Variants in DNAAF10 observed in about 807,000 individuals in gnomAD.
The protein encoded by DNAAF10 is dynein axonemal assembly factor 10.
Under a neutral mutation model 43.7 loss-of-function variants are expected in DNAAF10, and 28 were observed. The ratio of observed to expected loss-of-function variants is 0.64; its 90% CI spans 0.48 to 0.88. DNAAF10 has a LOEUF of 0.88. DNAAF10 is among the 40% of genes least tolerant of loss of function. The pLI, the probability that DNAAF10 is intolerant of heterozygous loss-of-function variation, is 0.00. For missense variants in DNAAF10, 403 were observed against 439.1 expected, an observed-to-expected ratio of 0.92 and a Z score of 0.73; for synonymous variants, 156 against 157.3, an observed-to-expected ratio of 0.99 and a Z score of 0.06.
intron 2 of DNAAF10, among the ~76,000 whole-genome samples, chr2:68,145,125 A>G (rs1320520819): frequency 6.6e-6 from 1 of 152,032 alleles, no homozygotes. Flanking sequence ...TACTGCTTCA[A>G]ATATAGAGTA....
chr2:68,150,061 T>C (rs890870765), intron 1 of DNAAF10, among the ~76,000 whole-genome samples: 9 of 152,320 alleles, frequency 5.9e-5, no homozygotes, highest in Admixed American at 4.6e-4. Flanking sequence ...CTTCCCAGAA[T>C]TCCACCGCTG....
In DNAAF10 at chr2:68,131,179, A is replaced by C; in HGVS notation, c.*59T>G. 6.4e-7 allele frequency: 1 copy of C among 1,572,790 alleles called. No individual in the cohort carries two copies. The highest frequency in any genetic ancestry group is 8.7e-7 in the Non-Finnish European group (1 of 1,143,824). Reference sequence around the variant, plus strand: ...CTGATCCACCCGCCTCGGCCTCCCAAAGTGCTGGGATTACAGGAGTGAGCC... The same window carrying C: ...CTGATCCACCCGCCTCGGCCTCCCACAGTGCTGGGATTACAGGAGTGAGCC... On this transcript the variant is annotated 3_prime_UTR_variant, in exon 8 of 8. Transcript: ENST00000295121.
In DNAAF10 at chr2:68,130,100, G is replaced by A. The variant is rs997955961; in HGVS notation, c.*1138C>T. 2.8e-5 allele frequency: 2 copies of A among 71,300 alleles called. No homozygotes were observed. The highest frequency in any genetic ancestry group is 1.1e-4 in the African/African-American group (2 of 18,294). The allele number at this position is 71,300 out of a possible 1,614,324, so 4.4% of individuals were successfully genotyped here. A position where few individuals can be genotyped will look rare whatever the true frequency, so the allele number is the denominator to read the frequency against. ...TACCCAAATCTAGACCAACCGTGCC[G>A]TTTTGAGAGAGAGAGATATATATAT... On this transcript the variant is annotated 3_prime_UTR_variant, in exon 8 of 8. Transcript: ENST00000295121.
rs1673643436 is a variant in DNAAF10, at chr2:68,157,130, C to T, written c.183+131G>A. The T allele has an allele frequency of 6.3e-6, 8 of 1,271,480 alleles. 1 individual carries two copies. The allele number at this position is 1,271,480 out of a possible 1,614,324, so 78.8% of individuals were successfully genotyped here. A position where few individuals can be genotyped will look rare whatever the true frequency, so the allele number is the denominator to read the frequency against. ...GAAACATTCCTCAGTCGGCGGTCAG[C>T]TTCTCTGGTCTCGCGCGGCTCAAGC... On this transcript the variant is annotated intron_variant, in intron 1 of 7. Transcript: ENST00000295121.
At chr2:68,147,714 C>G in intron 1 of DNAAF10, 147 bp from the exon 2 acceptor site, 1 of 564,138 alleles carries the variant, frequency 1.8e-6, no homozygotes, top group Non-Finnish European at 2.8e-6. Context: ...AATAATCTTG[C>G]TTTTTCCTTT....
intron 7 of DNAAF10, among the ~76,000 whole-genome samples, chr2:68,133,264 G>C (rs570248996): frequency 6.6e-6 from 1 of 152,106 alleles, no homozygotes; most frequent in South Asian, 2.1e-4. Flanking sequence ...AGTCTCTGTC[G>C]CTCTGTCTCA....
intron 1 of DNAAF10, among the ~76,000 whole-genome samples, chr2:68,151,215 C>T (rs1183861795): frequency 6.6e-6 from 1 of 152,160 alleles, no homozygotes; most frequent in Non-Finnish European, 1.5e-5. Flanking sequence ...GTGTGTGTGA[C>T]TTCATTTCCT....
rs1001436664 is a variant in DNAAF10, at chr2:68,150,477, A to C, written c.184-2910T>G. ...ACTGTGTGCAGTGGCTCACGCCTATAATATCAGCACTTTGGGAGGCTGAGG... is the reference window on the plus strand; with the variant it reads ...ACTGTGTGCAGTGGCTCACGCCTATCATATCAGCACTTTGGGAGGCTGAGG... On this transcript the variant is annotated intron_variant, in intron 1 of 7. Transcript: ENST00000295121. Among the ~76,000 whole-genome samples the C allele has an allele frequency of 1.4e-4, 21 of 152,368 alleles. 2 individuals are homozygous for C. The South Asian group carries it at 4.1e-3, about 30-fold the overall frequency.
At chr2:68,144,520 T>C in intron 3 of DNAAF10, 65 bp downstream of exon 3, 2 of 1,581,380 alleles carry the variant, frequency 1.3e-6, no homozygotes, top group Non-Finnish European at 1.7e-6. Flanking sequence ...TCAGAGAGGA[T>C]GTACTGCTGC....
At chr2:68,134,829 T>A in intron 6 of DNAAF10, 30 bp from the exon 7 acceptor site, 1 of 1,612,398 alleles carries the variant, frequency 6.2e-7, no homozygotes, top group Middle Eastern at 1.7e-4. Flanking sequence ...TACAACTGGT[T>A]TATATGCTAA....
At position 68,135,176 on chromosome 2, in the gene DNAAF10, C is replaced by A. The variant is rs531783741; in HGVS notation, c.769-377G>T. ...AAACATATACTTTTGTTTATATATA[C>A]GAAAAATGTGGACTGAATTAAAAAA... On this transcript the variant is annotated intron_variant, in intron 6 of 7. Transcript: ENST00000295121. Among the ~76,000 whole-genome samples, 10 of 152,024 alleles carry A rather than the reference C, an allele frequency of 6.6e-5. No homozygotes were observed. In the South Asian group the frequency reaches 2.1e-3, roughly 32 times the overall value.
intron 1 of DNAAF10, among the ~76,000 whole-genome samples, chr2:68,154,053 A>C (rs2103641281): frequency 6.6e-6 from 1 of 151,596 alleles, no homozygotes; most frequent in Middle Eastern, 3.4e-3. Context: ...CGCCCAGCCC[A>C]GTGTAAGTTC....
At chr2:68,133,567 A>G (rs541830783) in intron 7 of DNAAF10, among the ~76,000 whole-genome samples, 1 of 152,246 alleles carries the variant, frequency 6.6e-6, no homozygotes, top group Non-Finnish European at 1.5e-5. Context: ...AGCCTGGCCA[A>G]CATGGTGAAA....
chr2:68,149,391 CAT>C (rs1295130853), intron 1 of DNAAF10, among the ~76,000 whole-genome samples: 1 of 152,176 alleles, frequency 6.6e-6, no homozygotes, highest in Non-Finnish European at 1.5e-5. Flanking sequence ...CGTACAGTAA[CAT>C]GTTTGTAAAA....
intron 5 of DNAAF10, among the ~76,000 whole-genome samples, chr2:68,137,735 C>T (rs145677120): frequency 0.017 from 2,625 of 151,886 alleles, 84 homozygotes; most frequent in African/African-American, 0.059. Flanking sequence ...GGCGTGGTGG[C>T]GTGCGCCTGT....
intron 1 of DNAAF10, 177 bp downstream of exon 1, chr2:68,157,084 G>T: frequency 1.1e-6 from 1 of 893,698 alleles, no homozygotes; most frequent in Non-Finnish European, 1.7e-6. Context: ...CCCCGCGGAT[G>T]AGAAGAAAGG....
At chr2:68,134,528 A>G in intron 7 of DNAAF10, 174 bp downstream of exon 7, 1 of 1,463,060 alleles carries the variant, frequency 6.8e-7, no homozygotes, top group East Asian at 2.6e-5. Flanking sequence ...TACTAAGTGT[A>G]AAGTATATTC....
chr2:68,132,388 GA>G lies in DNAAF10; in HGVS notation c.867-944del, dbSNP rs924649098. Among the ~76,000 whole-genome samples the G allele has an allele frequency of 9.7e-4, 147 of 151,946 alleles. 1 individual carries two copies. Among genetic ancestry groups the G allele is most frequent in the African/African-American group, 3.3e-3 (136 of 41,488 alleles). ...CTCAAACCCTACAAATCATTTTGAT[GA>G]AAAAAAATAAAACATTCAGATGAAT... On this transcript the variant is annotated intron_variant, in intron 7 of 7. Coordinates refer to ENST00000295121, the MANE Select transcript of DNAAF10 (RefSeq NM_138458.4).
rs887310191 is a variant in DNAAF10 at position 68,130,423 on chromosome 2, C to A, written c.*815G>T. 6.6e-5 allele frequency: 10 copies of A among 152,046 alleles called. No individual in the cohort carries two copies. The highest frequency in any genetic ancestry group is 2.2e-4 in the African/African-American group (9 of 41,392). The allele number at this position is 152,046 out of a possible 1,614,324, so 9.4% of individuals were successfully genotyped here. A position where few individuals can be genotyped will look rare whatever the true frequency, so the allele number is the denominator to read the frequency against. ...GGAATTACAGGCGTGAGCTACCACG[C>A]CTGGCCCACCATTTTGATATTTTAT... On this transcript the variant is annotated 3_prime_UTR_variant, in exon 8 of 8. Coordinates refer to ENST00000295121, the MANE Select transcript of DNAAF10 (RefSeq NM_138458.4).
Sources: allele counts gnomAD v4.1 joint callset (sites outside exome capture counted in the v4.1 genomes callset), GRCh38; gene constraint gnomAD v4.1.1; transcripts MANE v1.5; gene names NCBI Gene and HGNC (gene_info 2026-07-23, HGNC 2026-07-21).